Variants in PLXDC2 observed in about 807,000 individuals in gnomAD.
PLXDC2 encodes plexin domain-containing protein 2.
A neutral mutation model predicts 68.9 loss-of-function variants in PLXDC2; 40 were observed. That is an observed-to-expected ratio of 0.58 (90% CI 0.45 to 0.76). The LOEUF (loss-of-function observed/expected upper bound fraction) is 0.76, where lower values mean the gene tolerates loss of function less well. PLXDC2 is among the 30% of genes least tolerant of loss of function. PLXDC2 has a pLI of 0.00. For missense variants in PLXDC2, 644 were observed against 661.9 expected, an observed-to-expected ratio of 0.97 and a Z score of 0.30; for synonymous variants, 243 against 234.2, an observed-to-expected ratio of 1.04 and a Z score of -0.34.
intron 12 of PLXDC2, among the ~76,000 whole-genome samples, chr10:20,224,936 C>G (rs1286295545): frequency 1.3e-5 from 2 of 152,048 alleles, no homozygotes; most frequent in Non-Finnish European, 2.9e-5. Flanking sequence ...AGTTTATGAA[C>G]CTGAACTCTG....
intron 2 of PLXDC2, among the ~76,000 whole-genome samples, chr10:20,010,834 T>C (rs1427377891): frequency 2.0e-5 from 3 of 152,208 alleles, no homozygotes; most frequent in African/African-American, 7.2e-5. Context: ...TCCAGTTCTT[T>C]CTACTTTAAT....
intron 9 of PLXDC2, among the ~76,000 whole-genome samples, chr10:20,182,071 T>TTGTGTGTGTG (rs111252782): frequency 0.013 from 1,884 of 146,510 alleles, 18 homozygotes; most frequent in African/African-American, 0.029. Flanking sequence ...AACCGGTTAT[T>TTGTGTGTGTG]TGTGTGTGTG....
intron 1 of PLXDC2, among the ~76,000 whole-genome samples, chr10:19,862,515 A>G (rs1837336983): frequency 6.6e-6 from 1 of 152,252 alleles, no homozygotes; most frequent in South Asian, 2.1e-4. Flanking sequence ...AATTGTGGAA[A>G]GGAAGAACAA....
Position 19,987,556 on chromosome 10 carries a change from T to C in PLXDC2, c.113-14219T>C, listed in dbSNP as rs1210495374. On this transcript the variant is annotated intron_variant, in intron 1 of 13. Coordinates refer to ENST00000377252, the MANE Select transcript of PLXDC2 (RefSeq NM_032812.9). ...TTTGAGTGTTGATGTTATTTGGTTT[T>C]GTTTTGTTTTTTTTTCTTTTTTTGC... Among the ~76,000 whole-genome samples, 5 of 81,910 alleles carry C rather than the reference T, an allele frequency of 6.1e-5. No individual in the cohort carries two copies. In the East Asian group the frequency reaches 1.8e-3, roughly 30 times the overall value. 53.7% of individuals were successfully genotyped at this position (81,910 alleles called of 152,430 possible).
At chr10:20,215,853 G>A (rs16920115) in intron 10 of PLXDC2, among the ~76,000 whole-genome samples, 3,749 of 152,218 alleles carry the variant, frequency 0.025, 56 homozygotes, top group Non-Finnish European at 0.031. Flanking sequence ...GAGTAAAACC[G>A]GGAGAATCAT....
chr10:19,864,652 A>G (rs571957744), intron 1 of PLXDC2, among the ~76,000 whole-genome samples: 2 of 152,318 alleles, frequency 1.3e-5, no homozygotes, highest in South Asian at 4.1e-4. Context: ...TCATTTTATT[A>G]TATGTGCTAC....
At chr10:20,156,510 C>T (rs987167690) in intron 6 of PLXDC2, among the ~76,000 whole-genome samples, 43 of 152,272 alleles carry the variant, frequency 2.8e-4, no homozygotes, top group African/African-American at 9.6e-4. Flanking sequence ...TCCAATTTCT[C>T]CCTCATGAAT....
At chr10:20,228,343 C>T (rs1835313470) in intron 12 of PLXDC2, among the ~76,000 whole-genome samples, 1 of 151,906 alleles carries the variant, frequency 6.6e-6, no homozygotes, top group East Asian at 1.9e-4. Context: ...GGTGGATCAC[C>T]TGAGCCCAGG....
chr10:20,027,915 C>T (rs1216868289), intron 2 of PLXDC2, among the ~76,000 whole-genome samples: 1 of 152,084 alleles, frequency 6.6e-6, no homozygotes, highest in Non-Finnish European at 1.5e-5. Context: ...TAGGAGTCAC[C>T]ATTTCAAAAA....
chr10:20,173,388 G>C (rs1433078374), intron 7 of PLXDC2, among the ~76,000 whole-genome samples: 1 of 152,112 alleles, frequency 6.6e-6, no homozygotes, highest in Non-Finnish European at 1.5e-5. Context: ...ATGCTTTCAA[G>C]ACAGAAAAAT....
At chr10:20,101,925 G>A (rs1037028488) in intron 4 of PLXDC2, among the ~76,000 whole-genome samples, 9 of 151,942 alleles carry the variant, frequency 5.9e-5, no homozygotes, top group Non-Finnish European at 8.8e-5. Flanking sequence ...AGCTTCCCGA[G>A]TAGCTGGGAT....
At chr10:20,031,107 C>A (rs1221075688) in intron 2 of PLXDC2, among the ~76,000 whole-genome samples, 1 of 152,112 alleles carries the variant, frequency 6.6e-6, no homozygotes, top group Non-Finnish European at 1.5e-5. Flanking sequence ...GTGGTTTATG[C>A]CTGTAATCCC....
intron 3 of PLXDC2, 147 bp from the exon 4 acceptor site, chr10:20,068,023 C>T (rs369904664): frequency 1.2e-4 from 68 of 585,422 alleles, no homozygotes; most frequent in Middle Eastern, 4.4e-4. Flanking sequence ...TTCTTTAGTA[C>T]GACCGAGGAC....
intron 13 of PLXDC2, among the ~76,000 whole-genome samples, chr10:20,275,479 C>T (rs1029458631): frequency 1.3e-5 from 2 of 152,188 alleles, no homozygotes; most frequent in Admixed American, 6.5e-5. Flanking sequence ...GATTCATAAA[C>T]TCCATGAGGG....
intron 2 of PLXDC2, among the ~76,000 whole-genome samples, chr10:20,040,878 A>G (rs1835670765): frequency 6.6e-6 from 1 of 152,212 alleles, no homozygotes; most frequent in South Asian, 2.1e-4. Flanking sequence ...AGGTTACCTA[A>G]AACATTAAAA....
chr10:20,011,158 C>G (rs190688454), intron 2 of PLXDC2, among the ~76,000 whole-genome samples: 5 of 152,002 alleles, frequency 3.3e-5, no homozygotes, highest in Admixed American at 3.3e-4. Context: ...CAGAATATGT[C>G]CATTCTTTAT....
intron 1 of PLXDC2, among the ~76,000 whole-genome samples, chr10:19,846,034 A>G (rs1189213707): frequency 6.6e-6 from 1 of 152,128 alleles, no homozygotes; most frequent in Non-Finnish European, 1.5e-5. Context: ...TATTTATTTA[A>G]TTCCTTCAGG....
chr10:20,136,476 G>A lies in PLXDC2; in HGVS notation c.542-6819G>A, dbSNP rs563201553. ...CCTCATCAAGTTGTTCAAGCAACTT[G>A]TCCACCACCAACACTGAGCTATTCA... On this transcript the variant is annotated intron_variant, in intron 4 of 13. Coordinates refer to ENST00000377252, the MANE Select transcript of PLXDC2 (RefSeq NM_032812.9). 7.9e-5 allele frequency among the ~76,000 whole-genome samples: 12 copies of A among 152,258 alleles called. No homozygotes were observed. In the East Asian group the frequency reaches 2.3e-3, roughly 29 times the overall value.
At chr10:20,249,530 A>T (rs1225634153) in intron 13 of PLXDC2, among the ~76,000 whole-genome samples, 2 of 151,940 alleles carry the variant, frequency 1.3e-5, no homozygotes, top group East Asian at 3.9e-4. Context: ...TTCTCATATC[A>T]TTCCAACTTC....
Sources: gnomAD v4.1 joint callset for allele counts (sites outside exome capture counted in the v4.1 genomes callset) on GRCh38, gnomAD v4.1.1 for gene constraint, MANE v1.5 for transcripts, NCBI Gene and HGNC (gene_info 2026-07-23, HGNC 2026-07-21) for gene names.